The following PNPLA6 variants were observed in gnomAD, a reference collection of about 807,000 sequenced individuals.
PNPLA6 encodes the protein patatin-like phospholipase domain-containing protein 6.
In PNPLA6, 105 loss-of-function variants were observed where a neutral mutation model predicts 153.7. The observed-to-expected ratio is 0.68, with a 90% CI of 0.58 to 0.80. The LOEUF is 0.80. Ranked by LOEUF, PNPLA6 falls within the 30% of genes least tolerant of loss-of-function variation. The probability of loss-of-function intolerance (pLI) is 0.00; values close to 1 mark genes in which losing one functional copy is unlikely to be tolerated. For missense variants in PNPLA6, 1,423 were observed against 1,919.3 expected, an observed-to-expected ratio of 0.74 and a Z score of 4.83; for synonymous variants, 825 against 822.2, an observed-to-expected ratio of 1.00 and a Z score of -0.06.
chr19:7,538,145 C>G (rs1425814502), intron 3 of PNPLA6, among the ~76,000 whole-genome samples: 1 of 151,774 alleles, frequency 6.6e-6, no homozygotes, highest in Non-Finnish European at 1.5e-5. Context: ...CCCAAGATCT[C>G]CCTGATCAAA....
In PNPLA6 at chr19:7,540,542, G is replaced by A; in HGVS notation, c.715-88G>A. The A allele has an allele frequency of 8.7e-7, 1 of 1,151,488 alleles. No individual in the cohort carries two copies. The allele number at this position is 1,151,488 out of a possible 1,614,324, so 71.3% of individuals were successfully genotyped here. A position where few individuals can be genotyped will look rare whatever the true frequency, so the allele number is the denominator to read the frequency against. ...GGGTTCCCCTGAGAAGGGATGAGAAGTGTCAGTGATCATTGGGATGGATGA... is the reference window on the plus strand; with the variant it reads ...GGGTTCCCCTGAGAAGGGATGAGAAATGTCAGTGATCATTGGGATGGATGA... On this transcript the variant is annotated intron_variant, in intron 5 of 31. Coordinates refer to ENST00000600737, the MANE Select transcript of PNPLA6 (RefSeq NM_001166114.2). The surrounding 1 kb of genome is among the most constrained non-coding windows in gnomAD (Gnocchi z 6.8).
At chr19:7,550,916 G>C (rs753526258) in intron 16 of PNPLA6, 78 bp from the exon 17 acceptor site, 159 of 1,149,112 alleles carry the variant, frequency 1.4e-4, no homozygotes, top group Non-Finnish European at 1.9e-4. Flanking sequence ...AGATGGGGCA[G>C]TACAGCCCCC....
rs766312635 is a variant in PNPLA6, at chr19:7,541,006, C to T, written c.879C>T (p.Ser293=). The T allele has an allele frequency of 1.9e-5, 30 of 1,611,120 alleles. No homozygotes were observed. Among genetic ancestry groups the T allele is most frequent in the Middle Eastern group, 1.7e-4 (1 of 5,968 alleles). Residue 293 remains serine, a synonymous_variant, in exon 7 of 32, where the codon TCC becomes TCT. Transcript: ENST00000600737. The surrounding 1 kb of genome is among the most constrained non-coding windows in gnomAD (Gnocchi z 5.2). ...TVLRLPVEAF[S]AVFTKYPESL... ...TGCGCCTGCCGGTGGAAGCATTCTC[C>T]GCGGTCTTCACCAAGTACCCGGAGA...
At position 7,555,289 on chromosome 19, in the gene PNPLA6, G is replaced by A. The variant is rs1215182242; in HGVS notation, c.2858G>A (p.Arg953Gln). Residue 953 changes from arginine to glutamine, a missense_variant, in exon 23 of 32, where the codon CGG (arginine) becomes CAG (glutamine). Arg to Gln is a conservative substitution (Grantham distance 43). Around this residue, in one of 10 missense-constraint regions of PNPLA6, gnomAD observed 643 missense variants for 835.2 expected, o/e 0.77. Coordinates refer to ENST00000600737, the MANE Select transcript of PNPLA6 (RefSeq NM_001166114.2). This position sits in a 1 kb window ranked among gnomAD's most constrained non-coding sequence, Gnocchi z 6.3. ...YEKVFSRRADRHSDFSRLARV... is the reference protein window; with the variant it reads ...YEKVFSRRADQHSDFSRLARV... The stretch of plus-strand genomic sequence containing the variant: ...AAGGTTTTCTCCAGGCGCGCGGACC[G>A]GCACAGCGACTTCTCCCGCTTGGCG... 2 of 1,594,282 alleles carry A rather than the reference G, an allele frequency of 1.3e-6. No individual in the cohort carries two copies. Among genetic ancestry groups the A allele is most frequent in the East Asian group, 2.3e-5 (1 of 44,182 alleles).
intron 24 of PNPLA6, among the ~76,000 whole-genome samples, chr19:7,556,053 C>CTTT (rs33951220): frequency 8.3e-5 from 5 of 60,328 alleles, no homozygotes; most frequent in Non-Finnish European, 1.2e-4. Context: ...CTAAGTGTTC[C>CTTT]TTTTTTTTTT....
chr19:7,548,752 G>T (rs34662471), intron 13 of PNPLA6, among the ~76,000 whole-genome samples: 32,711 of 149,410 alleles, frequency 0.22, 3,629 homozygotes, highest in Middle Eastern at 0.24. Context: ...TATATATATA[G>T]AGAGAGAGAT....
At chr19:7,553,454 T>C (rs1262612614) in intron 18 of PNPLA6, among the ~76,000 whole-genome samples, 1 of 152,186 alleles carries the variant, frequency 6.6e-6, no homozygotes, top group Admixed American at 6.5e-5. Context: ...TGTTTCTCCA[T>C]GTTGGCTAGG....
intron 15 of PNPLA6, 29 bp downstream of exon 15, chr19:7,550,458 C>T: frequency 1.2e-6 from 2 of 1,612,082 alleles, no homozygotes; most frequent in African/African-American, 1.3e-5. Context: ...TGCTCAGGCC[C>T]GGCCTAGGGG....
Position 7,561,081 on chromosome 19 carries a change from C to A in PNPLA6, c.3884C>A (p.Thr1295Lys), listed in dbSNP as rs758549829. 1 of 1,613,100 alleles carries A rather than the reference C, an allele frequency of 6.2e-7. No homozygotes were observed. The highest frequency in any genetic ancestry group is 8.5e-7 in the Non-Finnish European group (1 of 1,179,644). ...ATTGTGTCCCGGATTGAGCCCCCCA[C>A]GAGCTATGTCTCTGATGGCTGTGCT... ...AEIVSRIEPP[T>K]SYVSDGCADG... The change falls in exon 30 of 32, where the codon ACG (threonine) becomes AAG (lysine). Residue 1295 changes from threonine (T) to lysine (K), a missense_variant. By Grantham distance (78) the Thr-to-Lys change is moderately conservative. This residue lies in a region of PNPLA6 where 643 missense variants were observed against 835.2 expected (regional missense o/e 0.77). Coordinates refer to ENST00000600737, the MANE Select transcript of PNPLA6 (RefSeq NM_001166114.2).
chr19:7,545,460 T>C (rs1390945559), intron 13 of PNPLA6, among the ~76,000 whole-genome samples: 2 of 152,154 alleles, frequency 1.3e-5, no homozygotes. Context: ...GTGTGGTGGA[T>C]AAAGAAGGAA....
rs2023622793 is a variant in PNPLA6, at chr19:7,551,083, T to A, written c.2160T>A (p.Gly720=). 3 of 1,525,606 alleles carry A rather than the reference T, an allele frequency of 2.0e-6. No homozygotes were observed. The highest frequency in any genetic ancestry group is 2.6e-6 in the Non-Finnish European group (3 of 1,133,258). 94.5% of individuals were successfully genotyped at this position (1,525,606 alleles called of 1,614,324 possible). Residue 720 remains glycine (G), a synonymous_variant, in exon 17 of 32, where the codon GGT becomes GGA. Coordinates refer to ENST00000600737, the MANE Select transcript of PNPLA6 (RefSeq NM_001166114.2). ...ELAKLPEGTL[G]HIKRRYPQVV... is the part of the protein sequence containing the mutation. ...CCAAGCTTCCCGAGGGCACCTTGGG[T>A]CACATCAAACGCCGGTACCCGCAGG...
chr19:7,538,580 T>A (rs1241308533), intron 3 of PNPLA6, among the ~76,000 whole-genome samples: 1 of 151,930 alleles, frequency 6.6e-6, no homozygotes, highest in Non-Finnish European at 1.5e-5. Context: ...CAGCGGAGGG[T>A]CTTTCTCAGC....
In PNPLA6 at chr19:7,541,296, A is replaced by G; in HGVS notation, c.925-58A>G. On this transcript the variant is annotated intron_variant, in intron 7 of 31. Coordinates refer to ENST00000600737, the MANE Select transcript of PNPLA6 (RefSeq NM_001166114.2). The surrounding 1 kb of genome is among the most constrained non-coding windows in gnomAD (Gnocchi z 5.2). ...ATGCTGCGAACTAGCCCGGCCCACC[A>G]TCTGGCCCTGCCCCTTACCCCGCCC... is the stretch of plus-strand genomic sequence containing the variant. 6.8e-7 allele frequency: 1 copy of G among 1,467,990 alleles called. No individual in the cohort carries two copies. Among genetic ancestry groups the G allele is most frequent in the South Asian group, 1.2e-5 (1 of 86,632 alleles). 90.9% of individuals were successfully genotyped at this position (1,467,990 alleles called of 1,614,324 possible).
At chr19:7,553,599 T>C (rs957158786) in intron 18 of PNPLA6, among the ~76,000 whole-genome samples, 1 of 152,216 alleles carries the variant, frequency 6.6e-6, no homozygotes, top group African/African-American at 2.4e-5. Context: ...TGTAGAGTTG[T>C]GTAATGGATC....
Position 7,541,598 on chromosome 19 carries a change from T to C in PNPLA6, c.1082T>C (p.Met361Thr). 1 of 1,595,696 alleles carries C rather than the reference T, an allele frequency of 6.3e-7. No homozygotes were observed. The highest frequency in any genetic ancestry group is 2.3e-5 in the East Asian group (1 of 43,926). Residue 361 changes from methionine to threonine, a missense_variant, in exon 9 of 32, where the codon ATG becomes ACG. Met to Thr is a moderately conservative substitution (Grantham distance 81). Transcript: ENST00000600737. The surrounding 1 kb of genome is among the most constrained non-coding windows in gnomAD (Gnocchi z 5.2). The part of the protein sequence containing the change: ...RTSPVRGSKR[M>T]VSTSATDEPR... ...AGCCCTGTGCGGGGCTCCAAGAGAA[T>C]GGTCAGCACCTCAGCTACAGACGAG...
intron 3 of PNPLA6, 131 bp downstream of exon 3, chr19:7,536,677 C>G: frequency 1.4e-6 from 1 of 729,350 alleles, no homozygotes; most frequent in Non-Finnish European, 2.5e-6. Context: ...CTGTAATTCC[C>G]AGCACTTTGG....
rs767361807 is a variant in PNPLA6 at position 7,536,517 on chromosome 19, G to A, written c.384G>A (p.Lys128=). Residue 128 remains lysine, a synonymous_variant, in exon 3 of 32, where the codon AAG becomes AAA. Transcript: ENST00000600737. ...CCACCTCCCGGCCACGCATGAGGAA[G>A]AAACTGAAGATGCTCAACATTGCCA... ...VSATSRPRMR[K]KLKMLNIAKK... is the part of the protein sequence containing the mutation. 1.9e-6 allele frequency: 3 copies of A among 1,613,774 alleles called. No homozygotes were observed. In the South Asian group the frequency reaches 3.3e-5, roughly 18 times the overall value.
intron 13 of PNPLA6, chr19:7,549,689 G>C (rs1471594851): frequency 1.7e-6 from 1 of 591,928 alleles, no homozygotes; most frequent in Non-Finnish European, 3.0e-6. Flanking sequence ...GTTTCGCCAC[G>C]TTGGCCAGGC....
upstream of PNPLA6, chr19:7,535,413 G>C: frequency 1.1e-6 from 1 of 923,964 alleles, no homozygotes; most frequent in Non-Finnish European, 1.7e-6. This position sits in a 1 kb window ranked among gnomAD's most constrained non-coding sequence, Gnocchi z 5.0. Flanking sequence ...CCACCCCAGA[G>C]GGCAGGGCTT....
Sources: allele counts gnomAD v4.1 joint callset (sites outside exome capture counted in the v4.1 genomes callset), GRCh38; gene constraint gnomAD v4.1.1; regional missense constraint gnomAD v4.1.1; non-coding constraint Gnocchi (gnomAD v3.1); transcripts MANE v1.5; gene names NCBI Gene and HGNC (gene_info 2026-07-23, HGNC 2026-07-21).